The following EFCAB7 variants were observed in gnomAD, a reference collection of about 807,000 sequenced individuals.
EFCAB7 encodes EF-hand calcium-binding domain-containing protein 7.
In EFCAB7, 66 loss-of-function variants were observed where a neutral mutation model predicts 77.1. The observed-to-expected ratio is 0.86, with a 90% CI of 0.70 to 1.05. EFCAB7 has a LOEUF of 1.05. Among genes scored for constraint, EFCAB7 ranks in the 50% least tolerant of loss-of-function variants. EFCAB7 has a pLI of 0.00. For missense variants in EFCAB7, 638 were observed against 730.5 expected, an observed-to-expected ratio of 0.87 and a Z score of 1.46; for synonymous variants, 225 against 243.3, an observed-to-expected ratio of 0.92 and a Z score of 0.70.
intron 12 of EFCAB7, 192 bp downstream of exon 12, chr1:63,568,711 G>T: frequency 2.2e-6 from 1 of 451,406 alleles, no homozygotes; most frequent in South Asian, 4.8e-5. Context: ...GATTTTTAAA[G>T]GTTTCCAATT....
rs577116432 is a variant in EFCAB7 at position 63,564,593 on chromosome 1, C to A, written c.1497+2736C>A. On this transcript the variant is annotated intron_variant, in intron 11 of 13. Transcript: ENST00000371088. ...AACAAATGGAAAAACATTTGATGCT[C>A]ATGGATAGGAAGAATCAATATCGTT... is the stretch of plus-strand genomic sequence containing the variant. Among the ~76,000 whole-genome samples the A allele has an allele frequency of 3.9e-3, 599 of 152,246 alleles. 3 individuals are homozygous for A. Among genetic ancestry groups the A allele is most frequent in the African/African-American group, 0.014 (576 of 41,540 alleles).
chr1:63,577,767 A>C, the EFCAB7 span, among the ~76,000 whole-genome samples: 4 of 152,204 alleles, frequency 2.6e-5, no homozygotes, highest in Non-Finnish European at 5.9e-5. Flanking sequence ...ATTAAATCTT[A>C]ATAAATGCCA....
chr1:63,572,862 A>G (rs929861329), downstream of EFCAB7, among the ~76,000 whole-genome samples: 1 of 152,126 alleles, frequency 6.6e-6, no homozygotes, highest in African/African-American at 2.4e-5. Context: ...GGAAAATTAC[A>G]GTCAAAGGGG....
intron 6 of EFCAB7, among the ~76,000 whole-genome samples, chr1:63,539,056 T>C (rs1646797936): frequency 6.6e-6 from 1 of 152,230 alleles, no homozygotes; most frequent in African/African-American, 2.4e-5. Flanking sequence ...CATTATTTTC[T>C]AGACATGGTA....
chr1:63,551,768 T>G lies in EFCAB7; in HGVS notation c.990T>G (p.Ile330Met). ...TATCCGTTGATACTGCCTTGTATAT[T>G]CTCAAGGAAAATGAGAGTCAAGCAA... ...PWLSVDTALY[I>M]LKENESQANL... The change falls in exon 8 of 14, where the codon ATT becomes ATG. Residue 330 changes from isoleucine to methionine, a missense_variant. Ile to Met is a conservative substitution (Grantham distance 10). Coordinates refer to ENST00000371088, the MANE Select transcript of EFCAB7 (RefSeq NM_032437.4). 1 of 1,590,778 alleles carries G rather than the reference T, an allele frequency of 6.3e-7. No homozygotes were observed. Among genetic ancestry groups the G allele is most frequent in the African/African-American group, 1.3e-5 (1 of 74,270 alleles).
intron 7 of EFCAB7, among the ~76,000 whole-genome samples, chr1:63,546,365 C>G (rs1646898237): frequency 6.6e-6 from 1 of 151,704 alleles, no homozygotes; most frequent in Admixed American, 6.6e-5. Flanking sequence ...TGATATAGAA[C>G]TAACTTTTTT....
intron 11 of EFCAB7, among the ~76,000 whole-genome samples, chr1:63,563,273 T>C (rs1307861820): frequency 6.6e-6 from 1 of 152,202 alleles, no homozygotes. Context: ...ATTGAGTAGG[T>C]TATTTGTATC....
chr1:63,549,267 C>G (rs1646937687), intron 7 of EFCAB7: 1 of 447,678 alleles, frequency 2.2e-6, no homozygotes, highest in Admixed American at 2.8e-5. Flanking sequence ...TAAAAGAGAC[C>G]TCTACTTACC....
At chr1:63,583,472 AT>A in the EFCAB7 span, among the ~76,000 whole-genome samples, 1 of 152,100 alleles carries the variant, frequency 6.6e-6, no homozygotes, top group Admixed American at 6.5e-5. Flanking sequence ...AGTTTTTTTG[AT>A]CTGGCACAAT....
chr1:63,559,921 C>T (rs1043184550), intron 10 of EFCAB7, among the ~76,000 whole-genome samples: 1 of 151,908 alleles, frequency 6.6e-6, no homozygotes, highest in Non-Finnish European at 1.5e-5. Context: ...GTCTTGATTG[C>T]TGTGGCTTTA....
At chr1:63,546,383 G>A (rs75717548) in intron 7 of EFCAB7, among the ~76,000 whole-genome samples, 2 of 139,470 alleles carry the variant, frequency 1.4e-5, no homozygotes, top group African/African-American at 5.3e-5. Flanking sequence ...TTTTTTTTTT[G>A]AGACGGAGTC....
chr1:63,571,086 A>G lies in EFCAB7; in HGVS notation c.1773A>G (p.Gly591=). 6.2e-7 allele frequency: 1 copy of G among 1,612,152 alleles called. No individual in the cohort carries two copies. Among genetic ancestry groups the G allele is most frequent in the Non-Finnish European group, 8.5e-7 (1 of 1,179,088 alleles). The part of the protein sequence containing the change: ...ELSKNCINNR[G]LNIFAVEVGP... ...GTAAAAACTGCATAAACAACAGAGG[A>G]CTCAACATATTTGCAGTAGAAGTGG... The change falls in exon 13 of 14, where the codon GGA becomes GGG. Residue 591 remains glycine (G), a synonymous_variant. Coordinates refer to ENST00000371088, the MANE Select transcript of EFCAB7 (RefSeq NM_032437.4).
At chr1:63,566,761 A>G (rs922145943) in intron 11 of EFCAB7, among the ~76,000 whole-genome samples, 2 of 151,580 alleles carry the variant, frequency 1.3e-5, no homozygotes, top group Non-Finnish European at 2.9e-5. Context: ...CAGGTCTTCT[A>G]CTTTTTAGTC....
At chr1:63,584,271 T>C in the EFCAB7 span, among the ~76,000 whole-genome samples, 1 of 152,178 alleles carries the variant, frequency 6.6e-6, no homozygotes, top group African/African-American at 2.4e-5. Context: ...AAAATTACAG[T>C]GTAGCCGGGT....
chr1:63,554,431 C>T (rs967208476), intron 8 of EFCAB7, among the ~76,000 whole-genome samples: 1 of 152,166 alleles, frequency 6.6e-6, no homozygotes, highest in African/African-American at 2.4e-5. Flanking sequence ...ACCTCCACCT[C>T]CGGGTTCAAG....
chr1:63,559,301 CAA>C (rs71052490), intron 10 of EFCAB7, among the ~76,000 whole-genome samples: 349 of 62,208 alleles, frequency 5.6e-3, no homozygotes, highest in African/African-American at 0.02. Context: ...GACTCTGTCT[CAA>C]AAAAAAAAAA....
intron 5 of EFCAB7, 129 bp from the exon 6 acceptor site, chr1:63,533,966 T>C: frequency 9.4e-7 from 1 of 1,063,270 alleles, no homozygotes; most frequent in Middle Eastern, 2.6e-4. Context: ...ACTTCTGACT[T>C]TATTTCAATA....
At chr1:63,541,650 C>T (rs535118790) in intron 6 of EFCAB7, among the ~76,000 whole-genome samples, 2 of 152,122 alleles carry the variant, frequency 1.3e-5, no homozygotes, top group Admixed American at 6.5e-5. Context: ...CTGCAACCTC[C>T]GCCTCCCGGT....
chr1:63,553,675 TTTC>T (rs1646993684), intron 8 of EFCAB7, among the ~76,000 whole-genome samples: 1 of 152,174 alleles, frequency 6.6e-6, no homozygotes, highest in Admixed American at 6.5e-5. Context: ...TTATATTGGA[TTTC>T]TTCTTGTATC....
Sources: allele counts gnomAD v4.1 joint callset (sites outside exome capture counted in the v4.1 genomes callset), GRCh38; gene constraint gnomAD v4.1.1; transcripts MANE v1.5; gene names NCBI Gene and HGNC (gene_info 2026-07-23, HGNC 2026-07-21).